Variants in ZNF782 observed in about 807,000 individuals in gnomAD.
ZNF782 encodes zinc finger protein 782.
A neutral mutation model predicts 13.0 loss-of-function variants in ZNF782; 12 were observed. That is an observed-to-expected ratio of 0.92 (90% CI 0.59 to 1.50). ZNF782 has a LOEUF of 1.50. Among genes scored for constraint, ZNF782 ranks in the 40% most tolerant of loss-of-function variants. The pLI is 0.00. For synonymous variants in ZNF782, 284 were observed against 283.0 expected (o/e 1.00, Z -0.04); for missense variants, 770 against 822.9 (o/e 0.94, Z 0.79).
At chr9:96,826,658 A>G (rs940652110) in intron 5 of ZNF782, among the ~76,000 whole-genome samples, 3 of 152,232 alleles carry the variant, frequency 2.0e-5, no homozygotes, top group African/African-American at 7.2e-5. Flanking sequence ...CTTGGCTGGC[A>G]TCTAGAAACA....
intron 4 of ZNF782, among the ~76,000 whole-genome samples, chr9:96,836,339 C>T (rs770569534): frequency 2.0e-5 from 3 of 151,878 alleles, no homozygotes; most frequent in African/African-American, 7.3e-5. Context: ...CAGCCTCCCG[C>T]GTAGCTGAGA....
chr9:96,823,598 T>C (rs896053220), intron 5 of ZNF782, among the ~76,000 whole-genome samples: 1 of 152,224 alleles, frequency 6.6e-6, no homozygotes, highest in African/African-American at 2.4e-5. Flanking sequence ...AGAGATAAAG[T>C]ATAGGGTAAA....
chr9:96,818,270 T>G lies in ZNF782; in HGVS notation c.1753A>C (p.Thr585Pro), dbSNP rs1850245609. The change falls in exon 6 of 6, where the codon ACT (threonine) becomes CCT (proline). Residue 585 changes from threonine to proline, a missense_variant. Transcript: ENST00000481138. ...SNLRVHHRTH[T>P]GEKPYQCEEC... ...TCACATTGATAGGGTTTCTCCCCAGTATGAGTTCTGTGATGTACTCTGAGG... is the reference window on the plus strand; with the variant it reads ...TCACATTGATAGGGTTTCTCCCCAGGATGAGTTCTGTGATGTACTCTGAGG... 1 of 1,613,954 alleles carries G rather than the reference T, an allele frequency of 6.2e-7. No homozygotes were observed. The highest frequency in any genetic ancestry group is 1.3e-5 in the African/African-American group (1 of 74,882).
rs2118195175 is a variant in ZNF782, at chr9:96,816,375, C to T, written c.*1548G>A. ...AATTCTTTTACAGCAATGTTGAGGT[C>T]TAAGAAACATAAAACAAATACCTGG... On this transcript the variant is annotated 3_prime_UTR_variant, in exon 6 of 6. Coordinates refer to ENST00000481138, the MANE Select transcript of ZNF782 (RefSeq NM_001001662.3). 1 of 152,218 alleles carries T rather than the reference C, an allele frequency of 6.6e-6. No individual in the cohort carries two copies. Among genetic ancestry groups the T allele is most frequent in the African/African-American group, 2.4e-5 (1 of 41,542 alleles). 9.4% of individuals were successfully genotyped at this position (152,218 alleles called of 1,614,324 possible).
chr9:96,932,652 A>ACT, the ZNF782 span, among the ~76,000 whole-genome samples: 1 of 130,124 alleles, frequency 7.7e-6, no homozygotes, highest in Admixed American at 7.7e-5. Context: ...CCAATCCTTA[A>ACT]TTTTTTTTTT....
chr9:96,836,173 C>T (rs1173586935), intron 4 of ZNF782, among the ~76,000 whole-genome samples: 3 of 151,394 alleles, frequency 2.0e-5, no homozygotes, highest in Non-Finnish European at 4.4e-5. Context: ...GGTTTCAGAC[C>T]TTATGCCTAT....
At chr9:96,841,748 A>G (rs1301341808) in intron 4 of ZNF782, among the ~76,000 whole-genome samples, 1 of 151,944 alleles carries the variant, frequency 6.6e-6, no homozygotes, top group African/African-American at 2.4e-5. Flanking sequence ...AATATCTACA[A>G]AAGATCATTT....
the ZNF782 span, among the ~76,000 whole-genome samples, chr9:96,900,010 G>A: frequency 2.0e-5 from 3 of 151,994 alleles, no homozygotes; most frequent in Non-Finnish European, 2.9e-5. Flanking sequence ...CGTTGCCCAG[G>A]CTGGTCTCAA....
the ZNF782 span, among the ~76,000 whole-genome samples, chr9:96,901,869 CAAAA>C: frequency 5.0e-5 from 3 of 59,600 alleles, no homozygotes; most frequent in East Asian, 7.1e-4. Flanking sequence ...AACTCTGTCT[CAAAA>C]AAAAAAAAAA....
exon 1 of ZNF782, chr9:96,875,549 T>C (rs774592945): frequency 4.4e-6 from 2 of 456,644 alleles, no homozygotes; most frequent in African/African-American, 4.0e-5. Flanking sequence ...CCACGAGTTC[T>C]GGCACTTTGG....
intron 4 of ZNF782, among the ~76,000 whole-genome samples, chr9:96,833,123 TTTAGA>T (rs1850860535): frequency 6.6e-6 from 1 of 152,186 alleles, no homozygotes; most frequent in Admixed American, 6.5e-5. Flanking sequence ...TTAGAGTAAC[TTTAGA>T]TTTACAGAAA....
chr9:96,818,583 A>G lies in ZNF782; in HGVS notation c.1440T>C (p.Cys480=). Residue 480 remains cysteine, a synonymous_variant, in exon 6 of 6, where the codon TGT becomes TGC. Coordinates refer to ENST00000481138, the MANE Select transcript of ZNF782 (RefSeq NM_001001662.3). Reference sequence around the variant, plus strand: ...GGCTGAAAGATTTCCCGCATTCATTACATTCAAAAGGTTTCTCCCCTGTGT... The same window carrying G: ...GGCTGAAAGATTTCCCGCATTCATTGCATTCAAAAGGTTTCTCCCCTGTGT... ...RTHTGEKPFE[C]NECGKSFSHM... is the part of the protein sequence containing the mutation. 6.2e-7 allele frequency: 1 copy of G among 1,613,880 alleles called. No individual in the cohort carries two copies. Among genetic ancestry groups the G allele is most frequent in the South Asian group, 1.1e-5 (1 of 91,026 alleles).
At chr9:96,840,933 A>C (rs181064587) in intron 4 of ZNF782, among the ~76,000 whole-genome samples, 1 of 152,174 alleles carries the variant, frequency 6.6e-6, no homozygotes, top group African/African-American at 2.4e-5. Context: ...AACCAAAAAA[A>C]CAAAAGAGAA....
Position 96,827,001 on chromosome 9 carries a change from T to G in ZNF782, c.244+79A>C, listed in dbSNP as rs149378153. 455 of 897,144 alleles carry G rather than the reference T, an allele frequency of 5.1e-4. 4 individuals are homozygous for G. The African/African-American group carries it at 6.9e-3, about 14-fold the overall frequency. The allele number at this position is 897,144 out of a possible 1,614,324, so 55.6% of individuals were successfully genotyped here. On this transcript the variant is annotated intron_variant, in intron 5 of 5. Transcript: ENST00000481138. ...TTTTCAGTGTATAAATTTTAACCAT[T>G]ATTATGACTATACGCTGAGTTGTGT...
the ZNF782 span, among the ~76,000 whole-genome samples, chr9:96,925,231 G>A: frequency 0.01 from 1,586 of 152,150 alleles, 7 homozygotes; most frequent in Non-Finnish European, 0.018. Context: ...CGTGGAGCCC[G>A]CCCTGGGAGG....
the ZNF782 span, among the ~76,000 whole-genome samples, chr9:96,899,777 C>T: frequency 6.6e-6 from 1 of 152,120 alleles, no homozygotes; most frequent in South Asian, 2.1e-4. Flanking sequence ...ACACAGCCAA[C>T]TCCAAATATA....
chr9:96,914,212 C>T, the ZNF782 span, among the ~76,000 whole-genome samples: 14 of 151,734 alleles, frequency 9.2e-5, no homozygotes, highest in African/African-American at 3.1e-4. Context: ...ACCTCCGCCT[C>T]CTGGGTTCAG....
the ZNF782 span, among the ~76,000 whole-genome samples, chr9:96,896,991 C>G: frequency 2.6e-5 from 4 of 152,202 alleles, no homozygotes; most frequent in Non-Finnish European, 4.4e-5. Context: ...ACCTAGCTAC[C>G]CTGCAACCTG....
intron 4 of ZNF782, among the ~76,000 whole-genome samples, chr9:96,840,137 CTACT>C (rs1415352929): frequency 2.0e-5 from 3 of 152,098 alleles, no homozygotes; most frequent in African/African-American, 7.2e-5. Flanking sequence ...CCCTCAATGA[CTACT>C]TATTGCTTTA....
Sources: allele counts gnomAD v4.1 joint callset (sites outside exome capture counted in the v4.1 genomes callset), GRCh38; gene constraint gnomAD v4.1.1; transcripts MANE v1.5; gene names NCBI Gene and HGNC (gene_info 2026-07-23, HGNC 2026-07-21).